Variants in SRRM3 observed in about 807,000 individuals in gnomAD.
The protein encoded by SRRM3 is serine/arginine repetitive matrix protein 3.
SRRM3 carries 27 observed loss-of-function variants against 66.2 expected under a neutral mutation model. That is an observed-to-expected ratio of 0.41 (90% confidence interval 0.30 to 0.56). The LOEUF (loss-of-function observed/expected upper bound fraction) is 0.56. Ranked by LOEUF, SRRM3 falls within the 20% of genes least tolerant of loss-of-function variation. SRRM3 has a pLI of 0.32. For synonymous variants in SRRM3, 391 were observed against 414.9 expected (o/e 0.94, Z 0.70); for missense variants, 918 against 991.9 (o/e 0.93, Z 1.00).
chr7:76,264,726 C>T (rs782267320), intron 8 of SRRM3, 39 bp from the exon 9 acceptor site: 69 of 1,612,020 alleles, frequency 4.3e-5, no homozygotes, highest in Non-Finnish European at 5.3e-5. Context: ...CCACACCCTC[C>T]CCGGGCCACA....
intron 2 of SRRM3, among the ~76,000 whole-genome samples, chr7:76,240,789 A>T (rs1470117715): frequency 6.6e-6 from 1 of 152,132 alleles, no homozygotes; most frequent in Non-Finnish European, 1.5e-5. Flanking sequence ...AGGGAGCCAG[A>T]CTGGCTGGGG....
intron 1 of SRRM3, among the ~76,000 whole-genome samples, chr7:76,215,733 T>C (rs1800551620): frequency 6.7e-6 from 1 of 149,336 alleles, no homozygotes; most frequent in African/African-American, 2.5e-5. Context: ...GTTCAAATGT[T>C]CTCCTGTCTC....
chr7:76,284,752 G>A (rs529700071), intron 14 of SRRM3, among the ~76,000 whole-genome samples: 4 of 152,294 alleles, frequency 2.6e-5, no homozygotes, highest in Admixed American at 6.5e-5. Context: ...TTAACCCTGC[G>A]ACGGGGCAGT....
intron 3 of SRRM3, among the ~76,000 whole-genome samples, chr7:76,257,341 T>C (rs1267449432): frequency 6.9e-6 from 1 of 144,698 alleles, no homozygotes; most frequent in Non-Finnish European, 1.5e-5. Context: ...TCCATCTTGG[T>C]GGGGGAGGGC....
At chr7:76,281,307 C>T (rs868917162) in intron 11 of SRRM3, 134 bp from the exon 12 acceptor site, 1 of 584,202 alleles carries the variant, frequency 1.7e-6, no homozygotes, top group African/African-American at 2.0e-5. Flanking sequence ...CTCCCTCTTT[C>T]CTCTTTCTGT....
At chr7:76,260,992 C>CT in intron 6 of SRRM3, 89 bp downstream of exon 6, 1 of 1,427,980 alleles carries the variant, frequency 7.0e-7, no homozygotes, top group Non-Finnish European at 9.6e-7. Context: ...GGCCGGAGGC[C>CT]TGGACCCTCA....
intron 1 of SRRM3, among the ~76,000 whole-genome samples, chr7:76,218,082 C>T (rs1416779572): frequency 6.6e-6 from 1 of 152,176 alleles, no homozygotes; most frequent in Admixed American, 6.5e-5. Context: ...TCTAGCCCAT[C>T]GTGCCTTCCT....
intron 5 of SRRM3, among the ~76,000 whole-genome samples, chr7:76,260,412 T>C (rs1341865124): frequency 3.5e-3 from 19 of 5,448 alleles, no homozygotes; most frequent in African/African-American, 0.015. Context: ...GCCCCGCCCC[T>C]CGACAAGCCC....
intron 8 of SRRM3, among the ~76,000 whole-genome samples, chr7:76,263,487 G>A (rs782215429): frequency 3.9e-5 from 6 of 152,176 alleles, no homozygotes; most frequent in Non-Finnish European, 8.8e-5. Flanking sequence ...TGCCCCAGAG[G>A]GCTGGATGGG....
intron 3 of SRRM3, among the ~76,000 whole-genome samples, chr7:76,251,756 C>A (rs1455862021): frequency 3.9e-5 from 6 of 151,950 alleles, no homozygotes; most frequent in African/African-American, 1.4e-4. Flanking sequence ...AGAGCAAGAC[C>A]CCCATCTCTA....
chr7:76,213,208 A>G (rs1554602007), intron 1 of SRRM3, among the ~76,000 whole-genome samples: 1 of 151,204 alleles, frequency 6.6e-6, no homozygotes, highest in African/African-American at 2.4e-5. Flanking sequence ...ACGGGGTTTC[A>G]CTATGTTGGC....
chr7:76,230,470 C>T (rs1298492282), intron 1 of SRRM3, among the ~76,000 whole-genome samples: 1 of 151,914 alleles, frequency 6.6e-6, no homozygotes, highest in Non-Finnish European at 1.5e-5. Context: ...GGCAACATAG[C>T]AAGATCCCAT....
rs5884991 is a variant in SRRM3, at chr7:76,277,734, AAG to A, written c.1009-3695_1009-3694del. 1.3e-3 allele frequency among the ~76,000 whole-genome samples: 135 copies of A among 101,922 alleles called. 1 individual carries two copies. In the East Asian group the frequency reaches 0.023, roughly 17 times the overall value. The allele number at this position is 101,922 out of a possible 152,430, so 66.9% of individuals were successfully genotyped here. On this transcript the variant is annotated intron_variant, in intron 11 of 14. Transcript: ENST00000611745. The stretch of plus-strand genomic sequence containing the variant: ...ACAACAACAAAAAAAAAAAAAAAAA[AAG>A]AGAGAGAGAGAAAGAAAGAAAAGAA...
In SRRM3 at chr7:76,235,081, G is replaced by A. The variant is rs1801107215; in HGVS notation, c.15G>A (p.Val5=). ...GGCCAGCCACGATGTCCTCCACCGT[G>A]AACAACGGGGCGGCCAGCATGCAGT... MSST[V]NNGAASMQST... Residue 5 remains valine, a synonymous_variant, in exon 2 of 15, where the codon GTG becomes GTA. Transcript: ENST00000611745. 1 of 1,580,538 alleles carries A rather than the reference G, an allele frequency of 6.3e-7. No homozygotes were observed. The highest frequency in any genetic ancestry group is 8.6e-7 in the Non-Finnish European group (1 of 1,168,194).
rs1448215150 is a variant in SRRM3 at position 76,285,015 on chromosome 7, C to T, written c.1734-600C>T. 3.3e-5 allele frequency among the ~76,000 whole-genome samples: 5 copies of T among 152,126 alleles called. No individual in the cohort carries two copies. The highest frequency in any genetic ancestry group is 9.7e-5 in the African/African-American group (4 of 41,434). On this transcript the variant is annotated intron_variant, in intron 14 of 14. Coordinates refer to ENST00000611745, the MANE Select transcript of SRRM3 (RefSeq NM_001110199.3). The surrounding 1 kb of genome is among the most constrained non-coding windows in gnomAD (Gnocchi z 4.1). ...TGGGACGTAGTCACAGACACTTACA[C>T]GCCAGCTTGGGTGATGGGAGCTGTC...
chr7:76,286,130 C>G lies in SRRM3; in HGVS notation c.*287C>G. ...ACGAACACAGGAATCTCCCCATCCC[C>G]CTTCCTGCTGATGCCAACTCACCAG... On this transcript the variant is annotated 3_prime_UTR_variant, in exon 15 of 15. Coordinates refer to ENST00000611745, the MANE Select transcript of SRRM3 (RefSeq NM_001110199.3). 2.0e-6 allele frequency: 1 copy of G among 509,324 alleles called. No homozygotes were observed. The highest frequency in any genetic ancestry group is 3.5e-5 in the East Asian group (1 of 28,500). 31.6% of individuals were successfully genotyped at this position (509,324 alleles called of 1,614,324 possible).
chr7:76,250,913 C>T (rs868917141), intron 3 of SRRM3, among the ~76,000 whole-genome samples: 1 of 152,216 alleles, frequency 6.6e-6, no homozygotes, highest in African/African-American at 2.4e-5. Flanking sequence ...TCACTACCCC[C>T]ACCCAGGGCC....
At chr7:76,211,976 A>G (rs1455707401) in intron 1 of SRRM3, among the ~76,000 whole-genome samples, 1 of 150,642 alleles carries the variant, frequency 6.6e-6, no homozygotes, top group Non-Finnish European at 1.5e-5. Flanking sequence ...AGTAGCTGGC[A>G]CTACAGGCAC....
intron 2 of SRRM3, among the ~76,000 whole-genome samples, chr7:76,235,695 G>A (rs1320209190): frequency 1.3e-5 from 2 of 151,678 alleles, no homozygotes; most frequent in Middle Eastern, 3.2e-3. Flanking sequence ...GTGAAACCCC[G>A]TCTCTATGAA....
Sources: allele counts gnomAD v4.1 joint callset (sites outside exome capture counted in the v4.1 genomes callset), GRCh38; gene constraint gnomAD v4.1.1; non-coding constraint Gnocchi (gnomAD v3.1); transcripts MANE v1.5; gene names NCBI Gene and HGNC (gene_info 2026-07-23, HGNC 2026-07-21).